VCP: variants seen among roughly 807,000 people sequenced by gnomAD.
VCP encodes the protein transitional endoplasmic reticulum ATPase.
Under a neutral mutation model 85.7 loss-of-function variants are expected in VCP, and 6 were observed. That is an observed-to-expected ratio of 0.07 (90% CI 0.04 to 0.14). The LOEUF (loss-of-function observed/expected upper bound fraction) is 0.14, where lower values mean the gene tolerates loss of function less well. VCP is among the 10% of genes least tolerant of loss of function. The pLI is 1.00. For synonymous variants in VCP, 384 were observed against 367.1 expected (o/e 1.05, Z -0.53); for missense variants, 353 against 1,043.4 (o/e 0.34, Z 9.12).
In VCP at chr9:35,059,440, T is replaced by TG; in HGVS notation, c.2004+52_2004+53insC. Reference sequence around the variant, plus strand: ...TGTCCAGAAACTAAAGAGCACTCCGTACCAGCCTGAGGACTCATGCAAGTC... The same window carrying TG: ...TGTCCAGAAACTAAAGAGCACTCCGTGACCAGCCTGAGGACTCATGCAAGTC... On this transcript the variant is annotated intron_variant, in intron 14 of 16. Coordinates refer to ENST00000358901, the MANE Select transcript of VCP (RefSeq NM_007126.5). This position sits in a 1 kb window ranked among gnomAD's most constrained non-coding sequence, Gnocchi z 4.9. The TG allele has an allele frequency of 6.2e-6, 10 of 1,606,474 alleles. No individual in the cohort carries two copies. The highest frequency in any genetic ancestry group is 7.7e-6 in the Non-Finnish European group (9 of 1,176,132).
chr9:35,069,745 C>T (rs1828903278), intron 1 of VCP, among the ~76,000 whole-genome samples: 1 of 152,200 alleles, frequency 6.6e-6, no homozygotes, highest in Admixed American at 6.5e-5. Flanking sequence ...AGCCACAGCA[C>T]CCAGCGCTCT....
At chr9:35,071,964 C>G in intron 1 of VCP, 1 of 1,071,208 alleles carries the variant, frequency 9.3e-7, no homozygotes, top group Non-Finnish European at 1.1e-6. Context: ...GGGTGGTAGG[C>G]CGGACGGCAG....
chr9:35,062,400 T>G, intron 7 of VCP, 50 bp from the exon 8 acceptor site: 1 of 1,613,254 alleles, frequency 6.2e-7, no homozygotes, highest in Non-Finnish European at 8.5e-7. Context: ...TCTTTCCCAA[T>G]TCCTCCCAAA....
chr9:35,072,145 C>G, intron 1 of VCP, 192 bp downstream of exon 1: 2 of 1,391,418 alleles, frequency 1.4e-6, no homozygotes, highest in Non-Finnish European at 1.9e-6. Flanking sequence ...GCCTAGGGGG[C>G]GCGCGGGTGC....
chr9:35,059,941 T>G lies in VCP; in HGVS notation c.1696-140A>C. The G allele has an allele frequency of 1.9e-6, 2 of 1,045,684 alleles. No homozygotes were observed. The highest frequency in any genetic ancestry group is 2.9e-6 in the Non-Finnish European group (2 of 699,564). 64.8% of individuals were successfully genotyped at this position (1,045,684 alleles called of 1,614,324 possible). A position where few individuals can be genotyped will look rare whatever the true frequency, so the allele number is the denominator to read the frequency against. The stretch of plus-strand genomic sequence containing the variant: ...TGAGGCCAGAAATCCGAAACCAGCA[T>G]GGGCAACATACTGAGACTTTGTCTC... On this transcript the variant is annotated intron_variant, in intron 13 of 16. Coordinates refer to ENST00000358901, the MANE Select transcript of VCP (RefSeq NM_007126.5). This position sits in a 1 kb window ranked among gnomAD's most constrained non-coding sequence, Gnocchi z 4.9.
intron 1 of VCP, among the ~76,000 whole-genome samples, chr9:35,068,600 G>A (rs1197537520): frequency 6.6e-6 from 1 of 152,180 alleles, no homozygotes; most frequent in Non-Finnish European, 1.5e-5. Context: ...GGCCCCAAGT[G>A]AGTGATCCTG....
intron 15 of VCP, among the ~76,000 whole-genome samples, chr9:35,058,716 A>G (rs1011288920): frequency 6.6e-6 from 1 of 152,202 alleles, no homozygotes; most frequent in African/African-American, 2.4e-5. Flanking sequence ...GCAGTGAGCC[A>G]AGATCGTGCC....
Position 35,067,893 on chromosome 9 carries a change from G to T in VCP, c.300C>A (p.Ile100=). Residue 100 remains isoleucine (I), a splice_region_variant and synonymous_variant, in exon 3 of 17, where the codon ATC becomes ATA. Coordinates refer to ENST00000358901, the MANE Select transcript of VCP (RefSeq NM_007126.5). ...NNLRVRLGDV[I]SIQPCPDVKY... is the part of the protein sequence containing the mutation. ...GAAGCCAAAAACCCCACACACACCTGATGACATCCCCTAGGCGTACACGAA... is the reference window on the plus strand; with the variant it reads ...GAAGCCAAAAACCCCACACACACCTTATGACATCCCCTAGGCGTACACGAA... 1.2e-6 allele frequency: 2 copies of T among 1,614,130 alleles called. No individual in the cohort carries two copies. The highest frequency in any genetic ancestry group is 1.7e-6 in the Non-Finnish European group (2 of 1,180,038).
intron 1 of VCP, among the ~76,000 whole-genome samples, chr9:35,071,195 T>C (rs111331448): frequency 0.013 from 1,911 of 151,758 alleles, 19 homozygotes; most frequent in Middle Eastern, 0.027. Flanking sequence ...TAATACTTTA[T>C]CCGAATTCAG....
rs2131047040 is a variant in VCP at position 35,072,183 on chromosome 9, G to A, written c.17+154C>T. 4.2e-6 allele frequency: 6 copies of A among 1,425,748 alleles called. No homozygotes were observed. The Admixed American group carries it at 1.0e-4, about 24-fold the overall frequency. The allele number at this position is 1,425,748 out of a possible 1,614,324, so 88.3% of individuals were successfully genotyped here. A position where few individuals can be genotyped will look rare whatever the true frequency, so the allele number is the denominator to read the frequency against. Reference sequence around the variant, plus strand: ...AGCTGGCCCCAGCCGGGCCTGCCGGGTCCACGGCCCCTCACTCGCCCCCTA... The same window carrying A: ...AGCTGGCCCCAGCCGGGCCTGCCGGATCCACGGCCCCTCACTCGCCCCCTA... On this transcript the variant is annotated intron_variant, in intron 1 of 16. Transcript: ENST00000358901.
At position 35,072,374 on chromosome 9, in the gene VCP, G is replaced by A; in HGVS notation, c.-21C>T. On this transcript the variant is annotated 5_prime_UTR_variant, in exon 1 of 17. Coordinates refer to ENST00000358901, the MANE Select transcript of VCP (RefSeq NM_007126.5). ...GCCATGGCGCGCGCCTCTCCCGGCCGGCGGCTGTGGCGGCCCGCGGGTAAC... is the reference window on the plus strand; with the variant it reads ...GCCATGGCGCGCGCCTCTCCCGGCCAGCGGCTGTGGCGGCCCGCGGGTAAC... The A allele has an allele frequency of 8.8e-6, 13 of 1,473,496 alleles. No individual in the cohort carries two copies. Among genetic ancestry groups the A allele is most frequent in the Non-Finnish European group, 1.2e-5 (13 of 1,118,912 alleles). 91.3% of individuals were successfully genotyped at this position (1,473,496 alleles called of 1,614,324 possible).
In VCP at chr9:35,056,994, T is replaced by C. The variant is rs944895078; in HGVS notation, c.*123A>G. The C allele has an allele frequency of 3.5e-5, 33 of 931,988 alleles. No homozygotes were observed. Among genetic ancestry groups the C allele is most frequent in the Non-Finnish European group, 5.1e-5 (29 of 574,036 alleles). 57.7% of individuals were successfully genotyped at this position (931,988 alleles called of 1,614,324 possible). A position where few individuals can be genotyped will look rare whatever the true frequency, so the allele number is the denominator to read the frequency against. The stretch of plus-strand genomic sequence containing the variant: ...GTCCAGAGTCAGACTGTAGCTGAAC[T>C]GTTCAGACTGGAGAATGGAGCAGGC... On this transcript the variant is annotated 3_prime_UTR_variant, in exon 17 of 17. Transcript: ENST00000358901.
At chr9:35,068,490 G>T (rs1326558160) in intron 1 of VCP, 128 bp from the exon 2 acceptor site, 2 of 858,612 alleles carry the variant, frequency 2.3e-6, no homozygotes, top group Non-Finnish European at 4.0e-6. Flanking sequence ...TCAGATGAAG[G>T]AAAGGCAGCC....
chr9:35,057,236 C>A lies in VCP; in HGVS notation c.2316-14G>T, dbSNP rs1158707270. On this transcript the variant is annotated splice_polypyrimidine_tract_variant and intron_variant, in intron 16 of 16. Coordinates refer to ENST00000358901, the MANE Select transcript of VCP (RefSeq NM_007126.5). ...CCTGAAGGGAATCTGTGTACAAGAGCAAAGCCAAAAAAGAGGGTTAGGACA... is the reference window on the plus strand; with the variant it reads ...CCTGAAGGGAATCTGTGTACAAGAGAAAAGCCAAAAAAGAGGGTTAGGACA... 6.2e-7 allele frequency: 1 copy of A among 1,614,084 alleles called. No individual in the cohort carries two copies. The highest frequency in any genetic ancestry group is 8.5e-7 in the Non-Finnish European group (1 of 1,180,038).
At chr9:35,057,851 T>C in intron 15 of VCP, 1 of 425,114 alleles carries the variant, frequency 2.4e-6, no homozygotes, top group African/African-American at 2.0e-5. Flanking sequence ...TTATAGAACT[T>C]ACACACACTT....
chr9:35,062,747 C>A (rs761952757), intron 7 of VCP, among the ~76,000 whole-genome samples: 3 of 152,140 alleles, frequency 2.0e-5, no homozygotes, highest in Non-Finnish European at 2.9e-5. Flanking sequence ...AGCTTGCTCC[C>A]GCTCTGCAGT....
intron 6 of VCP, 50 bp downstream of exon 6, chr9:35,064,103 AT>A: frequency 6.2e-7 from 1 of 1,613,058 alleles, no homozygotes; most frequent in Non-Finnish European, 8.5e-7. Flanking sequence ...TTGGGACAGG[AT>A]TAGACATTGG....
chr9:35,067,756 T>C, intron 3 of VCP, 135 bp downstream of exon 3: 1 of 1,171,504 alleles, frequency 8.5e-7, no homozygotes, highest in African/African-American at 1.5e-5. Flanking sequence ...GAAGCATAAG[T>C]CTTCCCATGA....
chr9:35,071,848 C>T, intron 1 of VCP: 2 of 989,306 alleles, frequency 2.0e-6, no homozygotes, highest in Non-Finnish European at 2.4e-6. Flanking sequence ...GCCTCGGTGG[C>T]AGAGCTCCTG....
Sources: allele counts gnomAD v4.1 joint callset (sites outside exome capture counted in the v4.1 genomes callset), GRCh38; gene constraint gnomAD v4.1.1; non-coding constraint Gnocchi (gnomAD v3.1); transcripts MANE v1.5; gene names NCBI Gene and HGNC (gene_info 2026-07-23, HGNC 2026-07-21).